Variants in AGBL5 observed in about 807,000 individuals in gnomAD.
The protein encoded by AGBL5 is cytosolic carboxypeptidase-like protein 5.
AGBL5 carries 51 observed loss-of-function variants against 88.0 expected under a neutral mutation model. That is an observed-to-expected ratio of 0.58 (90% CI 0.46 to 0.73). AGBL5 has a LOEUF of 0.73. Among genes scored for constraint, AGBL5 ranks in the 30% least tolerant of loss-of-function variants. AGBL5 has a pLI of 0.00. For missense variants in AGBL5, 1,031 were observed against 1,162.2 expected, an observed-to-expected ratio of 0.89 and a Z score of 1.64; for synonymous variants, 446 against 438.8, an observed-to-expected ratio of 1.02 and a Z score of -0.21.
chr2:27,059,553 G>C, intron 11 of AGBL5, 149 bp downstream of exon 11: 1 of 1,501,560 alleles, frequency 6.7e-7, no homozygotes. Context: ...CCTCTCCTAC[G>C]ACCTTGGTGT....
chr2:27,053,474 C>T lies in AGBL5; in HGVS notation c.288C>T (p.Asn96=), dbSNP rs916506529. The T allele has an allele frequency of 1.9e-6, 3 of 1,613,986 alleles. No individual in the cohort carries two copies. In the African/African-American group the frequency reaches 4.0e-5, roughly 22 times the overall value. ...TCAAGATCAACATTATGAACATGAACAAGCAGAGCAAGCTGTATTCCCAGG... is the reference window on the plus strand; with the variant it reads ...TCAAGATCAACATTATGAACATGAATAAGCAGAGCAAGCTGTATTCCCAGG... The part of the protein sequence containing the change: ...KLIKINIMNM[N]KQSKLYSQGM... The change falls in exon 3 of 15, where the codon AAC becomes AAT. Residue 96 remains asparagine, a synonymous_variant. Coordinates refer to ENST00000360131, the MANE Select transcript of AGBL5 (RefSeq NM_021831.6). The surrounding 1 kb of genome is among the most constrained non-coding windows in gnomAD (Gnocchi z 4.9).
rs779264715 is a variant in AGBL5 at position 27,057,358 on chromosome 2, G to A, written c.1591G>A (p.Ala531Thr). ...ACGCTCAGTAAACAGCATCCCTGCT[G>A]CCTGCCATGACAATGGGCGTGCCAG... is the stretch of plus-strand genomic sequence containing the variant. ...TGRSVNSIPAACHDNGRASPP... is the reference protein window; with the variant it reads ...TGRSVNSIPATCHDNGRASPP... The change falls in exon 9 of 15, where the codon GCC (alanine) becomes ACC (threonine). Residue 531 changes from alanine (A) to threonine (T), a missense_variant. This residue lies in a region of AGBL5 where 491 missense variants were observed against 484.0 expected (regional missense o/e 1.01). Transcript: ENST00000360131. The A allele has an allele frequency of 1.2e-6, 2 of 1,614,024 alleles. No individual in the cohort carries two copies. The highest frequency in any genetic ancestry group is 1.1e-5 in the South Asian group (1 of 91,038).
chr2:27,067,790 A>AC, intron 12 of AGBL5, 144 bp downstream of exon 12: 1 of 909,832 alleles, frequency 1.1e-6, no homozygotes, highest in Non-Finnish European at 1.8e-6. Context: ...TTGTATAGGA[A>AC]GCTGGAATTT....
At position 27,054,689 on chromosome 2, in the gene AGBL5, G is replaced by T. The variant is rs202064757; in HGVS notation, c.611G>T (p.Arg204Leu). 3 of 1,614,000 alleles carry T rather than the reference G, an allele frequency of 1.9e-6. No individual in the cohort carries two copies. The highest frequency in any genetic ancestry group is 2.5e-6 in the Non-Finnish European group (3 of 1,179,980). The change falls in exon 5 of 15, where the codon CGT becomes CTT. Residue 204 changes from arginine (R) to leucine (L), a missense_variant. Transcript: ENST00000360131. ...CTTTGCTATTCTCTGGATGGACTTC[G>T]TGTAGATCTGCTGACGATCACTTCC... The part of the protein sequence containing the change: ...ELLCYSLDGL[R>L]VDLLTITSCH...
At chr2:27,052,784 T>C in intron 1 of AGBL5, 129 bp from the exon 2 acceptor site, 1 of 516,974 alleles carries the variant, frequency 1.9e-6, no homozygotes, top group Non-Finnish European at 3.3e-6. Flanking sequence ...CTATGTTTTC[T>C]AAGAGGGAGA....
At chr2:27,063,589 C>A (rs1400858069) in intron 11 of AGBL5, among the ~76,000 whole-genome samples, 1 of 52,964 alleles carries the variant, frequency 1.9e-5, no homozygotes, top group African/African-American at 5.7e-5. Flanking sequence ...AGCGAGACTC[C>A]GTCTCAAAAA....
In AGBL5 at chr2:27,054,823, A is replaced by G; in HGVS notation, c.729+16A>G. 6 of 1,607,846 alleles carry G rather than the reference A, an allele frequency of 3.7e-6. No homozygotes were observed. Among genetic ancestry groups the G allele is most frequent in the Non-Finnish European group, 4.2e-6 (5 of 1,177,504 alleles). ...AGGCAAGAGGGTGAGTGGAAATAGC[A>G]TAAAGGTAGTTCTTTGGCTTTTCTC... is the stretch of plus-strand genomic sequence containing the variant. On this transcript the variant is annotated intron_variant, in intron 5 of 14. Coordinates refer to ENST00000360131, the MANE Select transcript of AGBL5 (RefSeq NM_021831.6).
chr2:27,050,784 T>G (rs190321195), upstream of AGBL5, among the ~76,000 whole-genome samples: 10 of 152,208 alleles, frequency 6.6e-5, no homozygotes, highest in Admixed American at 6.5e-4. Flanking sequence ...CAGCGGAGCC[T>G]TCGATAGCTC....
chr2:27,057,169 A>G (rs907627090), intron 8 of AGBL5, 134 bp from the exon 9 acceptor site: 14 of 1,000,524 alleles, frequency 1.4e-5, no homozygotes, highest in Non-Finnish European at 1.9e-5. Flanking sequence ...GCTAGTTGCT[A>G]TGGATTATTA....
intron 14 of AGBL5, 93 bp from the exon 15 acceptor site, chr2:27,069,999 G>A (rs892325524): frequency 1.4e-5 from 21 of 1,532,988 alleles, no homozygotes; most frequent in South Asian, 5.1e-5. Context: ...TCTTCATCTC[G>A]CTCCACTTCT....
rs1668444917 is a variant in AGBL5, at chr2:27,056,623, G to T, written c.1366G>T (p.Val456Leu). Residue 456 changes from valine (V) to leucine (L), a missense_variant and splice_region_variant, in exon 8 of 15, where the codon GTG becomes TTG. Coordinates refer to ENST00000360131, the MANE Select transcript of AGBL5 (RefSeq NM_021831.6). ...GNSFSDESTQVENMLYPKLIS... is the reference protein window; with the variant it reads ...GNSFSDESTQLENMLYPKLIS... The stretch of plus-strand genomic sequence containing the variant: ...GAGTTGACTTTTCTTCCCCAAACAG[G>T]TGGAAAACATGCTATATCCAAAGCT... 6.3e-7 allele frequency: 1 copy of T among 1,594,850 alleles called. No homozygotes were observed. Among genetic ancestry groups the T allele is most frequent in the Non-Finnish European group, 8.6e-7 (1 of 1,166,786 alleles).
chr2:27,057,515 C>G, intron 9 of AGBL5, 77 bp downstream of exon 9: 4 of 1,480,772 alleles, frequency 2.7e-6, no homozygotes, highest in Non-Finnish European at 3.6e-6. Flanking sequence ...GTGCCTGACT[C>G]TAAGGTCCTT....
chr2:27,067,472 T>C (rs754227741), intron 11 of AGBL5, 22 bp from the exon 12 acceptor site: 2 of 1,605,254 alleles, frequency 1.2e-6, no homozygotes, highest in Non-Finnish European at 1.7e-6. Flanking sequence ...CCCTTTTATC[T>C]GCTTGTATCT....
At chr2:27,067,884 T>C (rs1669075087) in intron 12 of AGBL5, 7 of 573,140 alleles carry the variant, frequency 1.2e-5, no homozygotes, top group Non-Finnish European at 2.2e-5. Flanking sequence ...ACACTTAATC[T>C]CATTTTATCA....
intron 14 of AGBL5, 27 bp from the exon 15 acceptor site, chr2:27,070,065 C>G (rs1251216185): frequency 6.2e-7 from 1 of 1,602,048 alleles, no homozygotes; most frequent in Admixed American, 1.7e-5. Flanking sequence ...TTTCACAGCC[C>G]TGATTCCTCT....
chr2:27,066,256 C>T (rs966538686), intron 11 of AGBL5, among the ~76,000 whole-genome samples: 2 of 141,290 alleles, frequency 1.4e-5, no homozygotes, highest in African/African-American at 5.2e-5. Flanking sequence ...AAAAAAAAAC[C>T]TCAGGTGAAT....
At chr2:27,055,536 C>A in intron 6 of AGBL5, 146 bp from the exon 7 acceptor site, 1 of 854,906 alleles carries the variant, frequency 1.2e-6, no homozygotes. Context: ...CAAAGAGAGG[C>A]CCTGTCTTCA....
chr2:27,059,605 A>AG, intron 11 of AGBL5: 1 of 1,295,952 alleles, frequency 7.7e-7, no homozygotes, highest in Non-Finnish European at 1.0e-6. Context: ...GTGTGGCCAG[A>AG]GGGGGAAGTC....
chr2:27,055,646 C>A (rs1013680987), intron 6 of AGBL5, 36 bp from the exon 7 acceptor site: 2 of 1,585,716 alleles, frequency 1.3e-6, no homozygotes, highest in African/African-American at 2.7e-5. Context: ...CTGGCCCAGT[C>A]CTCTAGAACC....
Sources: gnomAD v4.1 joint callset for allele counts (sites outside exome capture counted in the v4.1 genomes callset) on GRCh38, gnomAD v4.1.1 for gene constraint, gnomAD v4.1.1 regional missense constraint, Gnocchi (gnomAD v3.1) non-coding constraint, MANE v1.5 for transcripts, NCBI Gene and HGNC (gene_info 2026-07-23, HGNC 2026-07-21) for gene names.